The following CADPS2 variants were observed in gnomAD, a reference collection of about 807,000 sequenced individuals.
The protein encoded by CADPS2 is calcium-dependent secretion activator 2.
CADPS2 carries 93 observed loss-of-function variants against 172.5 expected under a neutral mutation model. The observed-to-expected ratio is 0.54, with a 90% CI of 0.46 to 0.64. CADPS2 has a LOEUF of 0.64. Among genes scored for constraint, CADPS2 ranks in the 30% least tolerant of loss-of-function variants. The pLI is 0.00. For missense variants in CADPS2, 1,420 were observed against 1,565.9 expected, an observed-to-expected ratio of 0.91 and a Z score of 1.57; for synonymous variants, 546 against 555.2, an observed-to-expected ratio of 0.98 and a Z score of 0.23.
intron 1 of CADPS2, among the ~76,000 whole-genome samples, chr7:122,816,864 C>A (rs1801572857): frequency 2.0e-5 from 3 of 151,792 alleles, no homozygotes; most frequent in Admixed American, 2.0e-4. Context: ...TGACATTCCA[C>A]CACAAAAGAA....
intron 29 of CADPS2, among the ~76,000 whole-genome samples, chr7:122,324,053 G>T (rs1371251840): frequency 6.6e-6 from 1 of 151,722 alleles, no homozygotes; most frequent in Non-Finnish European, 1.5e-5. Flanking sequence ...TGTCCTTTCA[G>T]TTTCTTTGTA....
At chr7:122,356,891 A>T (rs1163729956) in intron 27 of CADPS2, among the ~76,000 whole-genome samples, 1 of 152,028 alleles carries the variant, frequency 6.6e-6, no homozygotes, top group African/African-American at 2.4e-5. Context: ...TATATTTTTC[A>T]GCACCAGCCA....
intron 1 of CADPS2, among the ~76,000 whole-genome samples, chr7:122,873,721 T>A (rs559171365): frequency 6.6e-6 from 1 of 152,328 alleles, no homozygotes; most frequent in East Asian, 1.9e-4. Context: ...GTATTTCTGG[T>A]TCTAGATCCC....
intron 27 of CADPS2, among the ~76,000 whole-genome samples, chr7:122,360,416 T>C (rs1426299647): frequency 6.6e-6 from 1 of 152,224 alleles, no homozygotes; most frequent in Non-Finnish European, 1.5e-5. Context: ...TTCATCTTTA[T>C]CATTATTCTA....
intron 1 of CADPS2, among the ~76,000 whole-genome samples, chr7:122,760,818 G>T (rs1051592190): frequency 6.7e-5 from 9 of 133,862 alleles, no homozygotes; most frequent in East Asian, 2.5e-4. Flanking sequence ...GTTGTGGGGT[G>T]GGGGGAGGGG....
At chr7:122,353,083 AG>A (rs1465140372) in intron 27 of CADPS2, among the ~76,000 whole-genome samples, 1 of 152,182 alleles carries the variant, frequency 6.6e-6, no homozygotes, top group African/African-American at 2.4e-5. Flanking sequence ...GAGGCAGCAC[AG>A]GGATTATAGG....
At chr7:122,440,873 A>T (rs546254568) in intron 16 of CADPS2, among the ~76,000 whole-genome samples, 1 of 152,302 alleles carries the variant, frequency 6.6e-6, no homozygotes, top group South Asian at 2.1e-4. Context: ...TTACAGACAG[A>T]TGAAAAAATA....
At chr7:122,491,875 T>C (rs2058315793) in intron 9 of CADPS2, among the ~76,000 whole-genome samples, 1 of 152,172 alleles carries the variant, frequency 6.6e-6, no homozygotes, top group Non-Finnish European at 1.5e-5. Flanking sequence ...AGCATACTTA[T>C]ATCAAGACTT....
chr7:122,386,915 G>A lies in CADPS2; in HGVS notation c.3312+111C>T, dbSNP rs2151430242. ...TTATAGTAAAGATCAAACGTTTGGT[G>A]CTAGAGAACTTGGTCTTTTCAATCC... On this transcript the variant is annotated intron_variant, in intron 24 of 29. Coordinates refer to ENST00000449022, the MANE Select transcript of CADPS2 (RefSeq NM_017954.11). 2.8e-6 allele frequency: 3 copies of A among 1,074,532 alleles called. No individual in the cohort carries two copies. In the East Asian group the frequency reaches 7.8e-5, roughly 28 times the overall value. 66.6% of individuals were successfully genotyped at this position (1,074,532 alleles called of 1,614,324 possible).
At chr7:122,820,556 G>GTTTTTTTT (rs551121404) in intron 1 of CADPS2, among the ~76,000 whole-genome samples, 241 of 86,478 alleles carry the variant, frequency 2.8e-3, no homozygotes, top group Middle Eastern at 0.015. Flanking sequence ...TTTGTTTTTT[G>GTTTTTTTT]TTTTTTTTTT....
intron 2 of CADPS2, among the ~76,000 whole-genome samples, chr7:122,719,636 T>G (rs149595855): frequency 6.6e-6 from 1 of 152,154 alleles, no homozygotes; most frequent in African/African-American, 2.4e-5. Context: ...CTTCTGTCCA[T>G]GCTACACCAT....
intron 2 of CADPS2, among the ~76,000 whole-genome samples, chr7:122,726,094 G>T (rs1340506255): frequency 2.0e-5 from 3 of 151,610 alleles, no homozygotes; most frequent in Non-Finnish European, 2.9e-5. Context: ...CACCCATCTG[G>T]ATTCAGAGGC....
At chr7:122,646,346 T>A (rs2078554430) in intron 3 of CADPS2, among the ~76,000 whole-genome samples, 1 of 152,118 alleles carries the variant, frequency 6.6e-6, no homozygotes, top group Admixed American at 6.6e-5. Context: ...AAGAGGCATA[T>A]GTAAACATCA....
chr7:122,368,833 G>T (rs137989351), intron 25 of CADPS2, among the ~76,000 whole-genome samples: 2 of 152,026 alleles, frequency 1.3e-5, no homozygotes, highest in Non-Finnish European at 2.9e-5. Flanking sequence ...AGATATGTGC[G>T]TAGGACTTTT....
intron 7 of CADPS2, among the ~76,000 whole-genome samples, chr7:122,570,313 G>C (rs1384551695): frequency 6.6e-6 from 1 of 152,136 alleles, no homozygotes; most frequent in East Asian, 1.9e-4. Flanking sequence ...CAGAGAAATT[G>C]AAATCAAAAC....
At chr7:122,657,300 T>C (rs1310656407) in intron 3 of CADPS2, among the ~76,000 whole-genome samples, 1 of 152,188 alleles carries the variant, frequency 6.6e-6, no homozygotes, top group East Asian at 1.9e-4. Flanking sequence ...AGGCTCTTTT[T>C]TGGTTCCATA....
At chr7:122,702,037 C>T (rs757941248) in intron 2 of CADPS2, 1 of 1,613,556 alleles carries the variant, frequency 6.2e-7, no homozygotes. Flanking sequence ...GCAGTTGAAG[C>T]TGGTCAATAG....
chr7:122,850,717 G>A (rs1198946876), intron 1 of CADPS2, among the ~76,000 whole-genome samples: 3 of 152,176 alleles, frequency 2.0e-5, no homozygotes, highest in East Asian at 3.9e-4. Flanking sequence ...AGAAGAGCAG[G>A]CTGGAGCTAA....
intron 8 of CADPS2, among the ~76,000 whole-genome samples, chr7:122,536,037 G>A (rs888722406): frequency 6.6e-6 from 1 of 152,002 alleles, no homozygotes; most frequent in East Asian, 1.9e-4. Flanking sequence ...GCATGACAAG[G>A]CATCCTTATA....
Sources: allele counts gnomAD v4.1 joint callset (sites outside exome capture counted in the v4.1 genomes callset), GRCh38; gene constraint gnomAD v4.1.1; transcripts MANE v1.5; gene names NCBI Gene and HGNC (gene_info 2026-07-23, HGNC 2026-07-21).